The following IFT122 variants were observed in gnomAD, a reference collection of about 807,000 sequenced individuals.
The protein encoded by IFT122 is intraflagellar transport protein 122 homolog.
In IFT122, 118 loss-of-function variants were observed where a neutral mutation model predicts 161.6. That is an observed-to-expected ratio of 0.73 (90% CI 0.63 to 0.85). The LOEUF is 0.85. IFT122 is among the 40% of genes least tolerant of loss of function. IFT122 has a pLI of 0.00. For missense variants in IFT122, 1,381 were observed against 1,579.6 expected, an observed-to-expected ratio of 0.87 and a Z score of 2.13; for synonymous variants, 550 against 602.4, an observed-to-expected ratio of 0.91 and a Z score of 1.27.
chr3:129,472,153 T>C (rs1247073849), intron 9 of IFT122, among the ~76,000 whole-genome samples: 1 of 152,088 alleles, frequency 6.6e-6, no homozygotes, highest in Non-Finnish European at 1.5e-5. Flanking sequence ...TTCATATGTC[T>C]GATTTTATTT....
chr3:129,460,116 A>G (rs1038960758), intron 4 of IFT122, among the ~76,000 whole-genome samples: 3 of 152,168 alleles, frequency 2.0e-5, no homozygotes, highest in African/African-American at 7.2e-5. Context: ...TTAAGTTTAC[A>G]GTTTAATGTT....
chr3:129,444,886 T>G lies in IFT122; in HGVS notation c.41+4515T>G, dbSNP rs576842011. ...TGAAGAGTTTTTATTAAAGGAAGCGTCAGGTCAACAGAGCCATATTAAAAG... is the reference window on the plus strand; with the variant it reads ...TGAAGAGTTTTTATTAAAGGAAGCGGCAGGTCAACAGAGCCATATTAAAAG... On this transcript the variant is annotated intron_variant, in intron 1 of 29. Transcript: ENST00000348417. Among the ~76,000 whole-genome samples, 3 of 152,336 alleles carry G rather than the reference T, an allele frequency of 2.0e-5. No individual in the cohort carries two copies. In the East Asian group the frequency reaches 5.8e-4, roughly 29 times the overall value.
chr3:129,477,673 G>A lies in IFT122; in HGVS notation c.1148-343G>A, dbSNP rs56051082. Among the ~76,000 whole-genome samples, 1,258 of 152,310 alleles carry A rather than the reference G, an allele frequency of 8.3e-3. 4 individuals carry two copies. Among genetic ancestry groups the A allele is most frequent in the Non-Finnish European group, 0.013 (914 of 68,032 alleles). On this transcript the variant is annotated intron_variant, in intron 11 of 29. Coordinates refer to ENST00000348417, the MANE Select transcript of IFT122 (RefSeq NM_052989.3). ...TTGTCAAGGAGGTGGGCAGGGAGCGGCCAGAGGTGAGGTCAGTTACTTAGG... is the reference window on the plus strand; with the variant it reads ...TTGTCAAGGAGGTGGGCAGGGAGCGACCAGAGGTGAGGTCAGTTACTTAGG...
At chr3:129,461,816 C>T (rs1357880429) in intron 5 of IFT122, among the ~76,000 whole-genome samples, 3 of 152,216 alleles carry the variant, frequency 2.0e-5, no homozygotes, top group Non-Finnish European at 4.4e-5. Context: ...TTCATCCTGG[C>T]CACGGTCCCG....
At chr3:129,476,897 CTT>C in intron 11 of IFT122, 96 bp downstream of exon 11, 2 of 1,497,420 alleles carry the variant, frequency 1.3e-6, no homozygotes, top group Non-Finnish European at 9.2e-7. Flanking sequence ...AAAGGTTTCT[CTT>C]TGGCGTTTTG....
chr3:129,481,261 G>C (rs2078606309), intron 13 of IFT122: 1 of 437,880 alleles, frequency 2.3e-6, no homozygotes, highest in African/African-American at 2.0e-5. Context: ...CAAATCCCCA[G>C]TCCGAACAGA....
At chr3:129,461,059 T>C in intron 4 of IFT122, 169 bp from the exon 5 acceptor site, 1 of 985,222 alleles carries the variant, frequency 1.0e-6, no homozygotes, top group Non-Finnish European at 1.6e-6. Flanking sequence ...GAAGGAGAAT[T>C]AATTCTTTAG....
At chr3:129,495,632 A>G (rs202200755) in intron 18 of IFT122, 25 bp downstream of exon 18, 1 of 1,613,870 alleles carries the variant, frequency 6.2e-7, no homozygotes, top group Non-Finnish European at 8.5e-7. Context: ...CCCAGGCCCA[A>G]GCTCCAGCTT....
rs147288978 is a variant in IFT122, at chr3:129,463,644, G to A, written c.416+18G>A. 912 of 1,595,834 alleles carry A rather than the reference G, an allele frequency of 5.7e-4. No individual in the cohort carries two copies. The highest frequency in any genetic ancestry group is 7.3e-4 in the Non-Finnish European group (846 of 1,163,858). ...TGCTGCAGGTAAGTGCAGCTCTGAC[G>A]ATAAGATTTATGTTCCTTCATCTTC... On this transcript the variant is annotated intron_variant, in intron 6 of 29. Coordinates refer to ENST00000348417, the MANE Select transcript of IFT122 (RefSeq NM_052989.3).
Position 129,520,416 on chromosome 3 carries a change from T to G in IFT122, c.*151T>G. ...GGGCCTTGTGTAACCACGGAATTCC[T>G]ATTTATGGCATTTCATGCCTTGTAA... On this transcript the variant is annotated 3_prime_UTR_variant, in exon 30 of 30. Transcript: ENST00000348417. 2.9e-6 allele frequency: 2 copies of G among 697,176 alleles called. No individual in the cohort carries two copies. Among genetic ancestry groups the G allele is most frequent in the Non-Finnish European group, 5.2e-6 (2 of 383,798 alleles). The allele number at this position is 697,176 out of a possible 1,614,324, so 43.2% of individuals were successfully genotyped here. A position where few individuals can be genotyped will look rare whatever the true frequency, so the allele number is the denominator to read the frequency against.
intron 14 of IFT122, among the ~76,000 whole-genome samples, chr3:129,482,671 G>A (rs1354709082): frequency 1.3e-5 from 2 of 152,194 alleles, no homozygotes; most frequent in Admixed American, 1.3e-4. Context: ...GGGAAAGAGA[G>A]GGCATAGCCT....
intron 11 of IFT122, 131 bp from the exon 12 acceptor site, chr3:129,477,885 T>TA (rs2078147993): frequency 1.3e-6 from 1 of 754,782 alleles, no homozygotes; most frequent in African/African-American, 1.7e-5. Flanking sequence ...TTAGATACTC[T>TA]AAAGATTTTT....
At chr3:129,476,259 C>T in intron 9 of IFT122, 56 bp from the exon 10 acceptor site, 1 of 1,592,340 alleles carries the variant, frequency 6.3e-7, no homozygotes, top group Non-Finnish European at 8.6e-7. Context: ...AATTGTATTG[C>T]AATGGTTATG....
intron 3 of IFT122, among the ~76,000 whole-genome samples, chr3:129,455,470 C>T (rs1486224071): frequency 2.0e-5 from 3 of 151,798 alleles, no homozygotes; most frequent in Non-Finnish European, 2.9e-5. Context: ...CATGCCTGGC[C>T]CAAGTTTAAT....
In IFT122 at chr3:129,517,111, A is replaced by G. The variant is rs1303193340; in HGVS notation, c.3266-358A>G. 1.4e-5 allele frequency among the ~76,000 whole-genome samples: 2 copies of G among 142,552 alleles called. 1 individual carries two copies. The highest frequency in any genetic ancestry group is 4.3e-4 in the East Asian group (2 of 4,656). The allele number at this position is 142,552 out of a possible 152,430, so 93.5% of individuals were successfully genotyped here. On this transcript the variant is annotated intron_variant, in intron 26 of 29. Transcript: ENST00000348417. ...AGACTGCCCCTGCACACAGACACACAGAGACCGCTCCTGCACACACACATG... is the reference window on the plus strand; with the variant it reads ...AGACTGCCCCTGCACACAGACACACGGAGACCGCTCCTGCACACACACATG...
intron 7 of IFT122, among the ~76,000 whole-genome samples, chr3:129,466,151 G>A (rs1242215447): frequency 1.3e-5 from 2 of 152,124 alleles, no homozygotes; most frequent in African/African-American, 2.4e-5. Context: ...TAAACCATCA[G>A]TATCCTTTAC....
At chr3:129,463,680 C>T (rs1216586324) in intron 6 of IFT122, 54 bp downstream of exon 6, 6 of 1,407,834 alleles carry the variant, frequency 4.3e-6, no homozygotes, top group Middle Eastern at 3.5e-4. Context: ...CACACAGACT[C>T]TCAAAATCCA....
At chr3:129,498,551 C>A (rs966195348) in intron 18 of IFT122, among the ~76,000 whole-genome samples, 6 of 152,204 alleles carry the variant, frequency 3.9e-5, no homozygotes, top group African/African-American at 1.4e-4. Context: ...TGGGTCCCAG[C>A]ATCAGGGTAT....
chr3:129,489,925 A>G (rs181783000), intron 16 of IFT122, among the ~76,000 whole-genome samples: 14 of 152,038 alleles, frequency 9.2e-5, no homozygotes, highest in Admixed American at 7.2e-4. Context: ...CAGAAATGCC[A>G]GCAGGGAGGG....
Sources: allele counts gnomAD v4.1 joint callset (sites outside exome capture counted in the v4.1 genomes callset), GRCh38; gene constraint gnomAD v4.1.1; transcripts MANE v1.5; gene names NCBI Gene and HGNC (gene_info 2026-07-23, HGNC 2026-07-21).